The following NALCN variants were observed in gnomAD, a reference collection of about 807,000 sequenced individuals.
NALCN encodes the protein sodium leak channel, non-selective.
NALCN carries 111 observed loss-of-function variants against 225.3 expected under a neutral mutation model. That is an observed-to-expected ratio of 0.49 (90% CI 0.42 to 0.58). NALCN has a LOEUF of 0.58. Ranked by LOEUF, NALCN falls within the 20% of genes least tolerant of loss-of-function variation. The probability of loss-of-function intolerance (pLI) is 0.00; values close to 1 mark genes in which losing one functional copy is unlikely to be tolerated. For synonymous variants in NALCN, 764 were observed against 769.0 expected (o/e 0.99, Z 0.11); for missense variants, 1,378 against 2,202.4 (o/e 0.63, Z 7.49).
chr13:101,109,280 T>C lies in NALCN; in HGVS notation c.2364+1339A>G, dbSNP rs371312528. Among the ~76,000 whole-genome samples the C allele has an allele frequency of 2.7e-3, 416 of 152,312 alleles. 2 individuals carry two copies. The highest frequency in any genetic ancestry group is 9.5e-3 in the African/African-American group (395 of 41,572). On this transcript the variant is annotated intron_variant, in intron 20 of 43. Coordinates refer to ENST00000251127, the MANE Select transcript of NALCN (RefSeq NM_052867.4). ...GTCAACAATATGGTAGCCAATCAGA[T>C]AGAGCTATGGATATTAAAAATCATG...
rs376175225 is a variant in NALCN at position 101,175,464 on chromosome 13, T to C, written c.1839+836A>G. On this transcript the variant is annotated intron_variant, in intron 15 of 43. Transcript: ENST00000251127. ...CCTGCTTATAATTCCAAATGGAAAG[T>C]TTCAGAGCCATGGTTCTGTTAACAT... is the stretch of plus-strand genomic sequence containing the variant. Among the ~76,000 whole-genome samples, 11 of 152,292 alleles carry C rather than the reference T, an allele frequency of 7.2e-5. No homozygotes were observed. The East Asian group carries it at 1.3e-3, about 19-fold the overall frequency.
At chr13:101,160,885 T>G (rs1352450352) in intron 15 of NALCN, among the ~76,000 whole-genome samples, 1 of 152,190 alleles carries the variant, frequency 6.6e-6, no homozygotes, top group African/African-American at 2.4e-5. Flanking sequence ...GATCAAGTTT[T>G]GAACCTGAGA....
At chr13:101,143,933 G>A (rs577396306) in intron 16 of NALCN, among the ~76,000 whole-genome samples, 4 of 152,202 alleles carry the variant, frequency 2.6e-5, no homozygotes, top group South Asian at 2.1e-4. Context: ...AAAGCATAAC[G>A]AAAATTCAAG....
intron 14 of NALCN, chr13:101,180,595 T>G (rs2039165699): frequency 6.1e-6 from 1 of 164,452 alleles, no homozygotes; most frequent in Non-Finnish European, 1.3e-5. Flanking sequence ...TCATTCCACT[T>G]GGAACTAACG....
At chr13:101,116,682 C>A (rs952773263) in intron 18 of NALCN, 3 of 386,008 alleles carry the variant, frequency 7.8e-6, no homozygotes, top group Admixed American at 6.9e-5. Context: ...TGGTATTAAA[C>A]GTAATTACCA....
chr13:101,138,312 T>C (rs994588272), intron 17 of NALCN, among the ~76,000 whole-genome samples: 9 of 152,282 alleles, frequency 5.9e-5, no homozygotes, highest in Admixed American at 5.2e-4. Context: ...TAAAATAAAA[T>C]GGGTAAACAA....
rs1395687713 is a variant in NALCN at position 101,107,518 on chromosome 13, A to G, written c.2548T>C (p.Cys850Arg). The G allele has an allele frequency of 1.2e-6, 2 of 1,614,156 alleles. No homozygotes were observed. Among genetic ancestry groups the G allele is most frequent in the Non-Finnish European group, 1.7e-6 (2 of 1,179,982 alleles). The change falls in exon 22 of 44, where the codon TGC becomes CGC. Residue 850 changes from cysteine to arginine, a missense_variant. By Grantham distance (180) the Cys-to-Arg change is radical (BLOSUM62 -3). Around this residue, in one of 19 missense-constraint regions of NALCN, gnomAD observed 292 missense variants for 409.5 expected, o/e 0.71. Coordinates refer to ENST00000251127, the MANE Select transcript of NALCN (RefSeq NM_052867.4). ...AAGCGTGCTCGGACCACCACCCGGC[A>G]AAAGTTTCTGAACCTGTGTTCTCGC... Reference protein sequence around the residue: ...VGREHRFRNFCRVVVRARFNA... With the variant: ...VGREHRFRNFRRVVVRARFNA...
At chr13:101,407,148 T>C (rs2047648382) in intron 1 of NALCN, among the ~76,000 whole-genome samples, 1 of 152,224 alleles carries the variant, frequency 6.6e-6, no homozygotes, top group South Asian at 2.1e-4. Context: ...GTGCTCTCTG[T>C]TCTTCTAGCA....
At chr13:101,216,036 T>G (rs1027403997) in intron 13 of NALCN, among the ~76,000 whole-genome samples, 3 of 152,108 alleles carry the variant, frequency 2.0e-5, no homozygotes, top group Admixed American at 2.0e-4. Context: ...ATGCAGGGTA[T>G]GGACACTCGT....
At chr13:101,149,099 C>T (rs973911515) in intron 15 of NALCN, among the ~76,000 whole-genome samples, 1 of 152,142 alleles carries the variant, frequency 6.6e-6, no homozygotes, top group Non-Finnish European at 1.5e-5. Context: ...CGAGACCATC[C>T]TGGCTAACAC....
intron 34 of NALCN, among the ~76,000 whole-genome samples, chr13:101,079,903 T>C (rs1221279591): frequency 1.3e-5 from 2 of 152,084 alleles, no homozygotes; most frequent in African/African-American, 4.8e-5. Context: ...TTAGGATGTG[T>C]AAATGAGTCT....
intron 1 of NALCN, among the ~76,000 whole-genome samples, chr13:101,413,188 C>T (rs1348879203): frequency 2.0e-5 from 3 of 152,128 alleles, no homozygotes; most frequent in Non-Finnish European, 4.4e-5. Flanking sequence ...AATTTAAAGA[C>T]ATACAATATA....
chr13:101,304,017 G>T (rs527538477), intron 7 of NALCN, among the ~76,000 whole-genome samples: 58 of 152,196 alleles, frequency 3.8e-4, no homozygotes, highest in African/African-American at 1.3e-3. Flanking sequence ...TATTCAGAAG[G>T]TATAACTCAC....
chr13:101,068,530 G>C (rs985960382), intron 38 of NALCN, among the ~76,000 whole-genome samples, 165 bp downstream of exon 38: 4 of 152,154 alleles, frequency 2.6e-5, no homozygotes, highest in East Asian at 1.9e-4. Context: ...TCATTTACGT[G>C]CCTTTCAAAG....
chr13:101,367,194 A>G (rs2046401851), intron 6 of NALCN, among the ~76,000 whole-genome samples: 1 of 152,046 alleles, frequency 6.6e-6, no homozygotes, highest in South Asian at 2.1e-4. Context: ...GTAGAAAGAA[A>G]CTCACAACTT....
intron 1 of NALCN, among the ~76,000 whole-genome samples, chr13:101,406,142 C>A (rs1398180038): frequency 7.4e-6 from 1 of 135,402 alleles, no homozygotes; most frequent in Non-Finnish European, 1.5e-5. Context: ...TGGAGAAAAC[C>A]CATCTCTACA....
At chr13:101,227,936 C>A (rs1368865956) in intron 13 of NALCN, among the ~76,000 whole-genome samples, 4 of 152,192 alleles carry the variant, frequency 2.6e-5, no homozygotes, top group African/African-American at 9.7e-5. Flanking sequence ...TTGGCTACAT[C>A]CAGCCATTGG....
chr13:101,385,319 G>A (rs931651557), intron 3 of NALCN, among the ~76,000 whole-genome samples: 18 of 151,978 alleles, frequency 1.2e-4, no homozygotes, highest in African/African-American at 4.4e-4. Context: ...TCAAGGCATT[G>A]TTTCACGTTC....
rs763773844 is a variant in NALCN, at chr13:101,229,600, GA to G, written c.1435-17del. 1 of 1,528,684 alleles carries G rather than the reference GA, an allele frequency of 6.5e-7. No individual in the cohort carries two copies. The highest frequency in any genetic ancestry group is 2.1e-5 in the Admixed American group (1 of 47,348). 94.7% of individuals were successfully genotyped at this position (1,528,684 alleles called of 1,614,324 possible). ...CTCGGAGAACCTATCAAGGGAGAGA[GA>G]AACATTTATTTACACATATGATCAT... On this transcript the variant is annotated splice_polypyrimidine_tract_variant and intron_variant, in intron 12 of 43. Coordinates refer to ENST00000251127, the MANE Select transcript of NALCN (RefSeq NM_052867.4).
Sources: allele counts gnomAD v4.1 joint callset (sites outside exome capture counted in the v4.1 genomes callset), GRCh38; gene constraint gnomAD v4.1.1; regional missense constraint gnomAD v4.1.1; transcripts MANE v1.5; gene names NCBI Gene and HGNC (gene_info 2026-07-23, HGNC 2026-07-21).